The following CSAG1 variants were observed in gnomAD, a reference collection of about 807,000 sequenced individuals.
The protein encoded by CSAG1 is chondrosarcoma associated gene 1.
In CSAG1, 4 loss-of-function variants were observed where a neutral mutation model predicts 4.8. The observed-to-expected ratio is 0.83, with a 90% CI of 0.41 to 1.90. The LOEUF is 1.90. Among genes scored for constraint, CSAG1 ranks in the 40% most tolerant of loss-of-function variants. The pLI is 0.03. For synonymous variants in CSAG1, 21 were observed against 23.1 expected (o/e 0.91, Z 0.26); for missense variants, 69 against 59.5 (o/e 1.16, Z -0.53).
At chrX:152,730,842 A>G (rs150178384) in intron 2 of CSAG1, among the ~76,000 whole-genome samples, 3 of 112,486 alleles carry the variant, frequency 2.7e-5, no homozygotes, top group African/African-American at 9.7e-5. Context: ...ACAGAAACCT[A>G]GCTGTATTAT....
chrX:152,727,608 C>T lies in CSAG1; in HGVS notation c.*186G>A. 1.9e-6 allele frequency: 1 copy of T among 540,472 alleles called. No individual in the cohort carries two copies. The highest frequency in any genetic ancestry group is 3.2e-6 in the Non-Finnish European group (1 of 317,353). The allele number at this position is 540,472 out of a possible 1,213,427, so 44.5% of individuals were successfully genotyped here. A position where few individuals can be genotyped will look rare whatever the true frequency, so the allele number is the denominator to read the frequency against. On this transcript the variant is annotated 3_prime_UTR_variant, in exon 4 of 4. Coordinates refer to ENST00000452779, the MANE Select transcript of CSAG1 (RefSeq NM_001102576.3). The stretch of plus-strand genomic sequence containing the variant: ...GACTTCTGGAGACTTTTCAGATAGA[C>T]TTGAAGTCTCTGGCCTTGCCTGGGA...
intron 2 of CSAG1, among the ~76,000 whole-genome samples, chrX:152,731,442 T>A (rs1448813848): frequency 8.9e-6 from 1 of 112,236 alleles, no homozygotes; most frequent in African/African-American, 3.2e-5. Flanking sequence ...ACATTCCAGG[T>A]TAGGCAGTTT....
chrX:152,730,994 T>C (rs1192760161), intron 2 of CSAG1, among the ~76,000 whole-genome samples: 1 of 112,794 alleles, frequency 8.9e-6, no homozygotes, highest in East Asian at 2.8e-4. Flanking sequence ...AATCATTTAT[T>C]TAATTTTTTA....
At chrX:152,731,300 C>A (rs1269967322) in intron 2 of CSAG1, among the ~76,000 whole-genome samples, 1 of 112,007 alleles carries the variant, frequency 8.9e-6, no homozygotes, top group Non-Finnish European at 1.9e-5. Context: ...AAAGTGAAAT[C>A]CTAAATGAAA....
chrX:152,728,523 C>T (rs1474914454), intron 2 of CSAG1, among the ~76,000 whole-genome samples: 8 of 110,763 alleles, frequency 7.2e-5, no homozygotes, highest in Admixed American at 9.6e-5. Context: ...CAAAATGAAC[C>T]GCAATCTTAA....
At chrX:152,732,533 G>T (rs1202880171) in intron 1 of CSAG1, 29 bp from the exon 2 acceptor site, 20 of 1,203,658 alleles carry the variant, frequency 1.7e-5, no homozygotes, top group Non-Finnish European at 2.2e-5. Context: ...GAAACAGAAA[G>T]TAAAAAACCA....
chrX:152,730,884 G>C (rs1556228484), intron 2 of CSAG1, among the ~76,000 whole-genome samples: 1 of 112,150 alleles, frequency 8.9e-6, no homozygotes. Flanking sequence ...TGAAGCAAGT[G>C]GGGGGAAAGT....
chrX:152,733,372 A>C (rs1159024793), intron 1 of CSAG1: 1 of 112,090 alleles, frequency 8.9e-6, no homozygotes, highest in Non-Finnish European at 1.9e-5. Context: ...GGACCACAGA[A>C]TCCAGCTCAG....
intron 2 of CSAG1, 73 bp downstream of exon 2, chrX:152,732,372 T>C (rs1269904189): frequency 5.2e-6 from 6 of 1,144,626 alleles, no homozygotes; most frequent in Non-Finnish European, 7.0e-6. Flanking sequence ...GAGTATAACA[T>C]ATTCATTCAT....
rs781932586 is a variant in CSAG1 at position 152,729,082 on chromosome X, A to G, written c.17-858T>C. 3.2e-4 allele frequency among the ~76,000 whole-genome samples: 35 copies of G among 110,746 alleles called. 1 individual carries two copies. In the South Asian group the frequency reaches 0.012, roughly 39 times the overall value. ...AGAGCTCAGAAATAGACCTGCACAC[A>G]TATAGTCAGGTGATTCACAACAAAG... On this transcript the variant is annotated intron_variant, in intron 2 of 3. Coordinates refer to ENST00000452779, the MANE Select transcript of CSAG1 (RefSeq NM_001102576.3).
chrX:152,728,525 C>T (rs1932074948), intron 2 of CSAG1, among the ~76,000 whole-genome samples: 1 of 110,546 alleles, frequency 9.0e-6, no homozygotes, highest in Non-Finnish European at 1.9e-5. Flanking sequence ...AAATGAACCG[C>T]AATCTTAAAT....
At chrX:152,729,881 G>C (rs1695599615) in intron 2 of CSAG1, among the ~76,000 whole-genome samples, 1 of 108,770 alleles carries the variant, frequency 9.2e-6, no homozygotes, top group African/African-American at 3.3e-5. Flanking sequence ...TTACCCAATT[G>C]ATTTGAAAAC....
At chrX:152,728,511 C>T (rs1475835584) in intron 2 of CSAG1, among the ~76,000 whole-genome samples, 1 of 111,690 alleles carries the variant, frequency 9.0e-6, no homozygotes, top group Non-Finnish European at 1.9e-5. Context: ...AAAAATGTGA[C>T]TCAAAATGAA....
chrX:152,727,654 G>T lies in CSAG1; in HGVS notation c.*140C>A. 1 of 745,538 alleles carries T rather than the reference G, an allele frequency of 1.3e-6. No individual in the cohort carries two copies. The highest frequency in any genetic ancestry group is 2.1e-6 in the Non-Finnish European group (1 of 479,214). 61.4% of individuals were successfully genotyped at this position (745,538 alleles called of 1,213,427 possible). On this transcript the variant is annotated 3_prime_UTR_variant, in exon 4 of 4. Coordinates refer to ENST00000452779, the MANE Select transcript of CSAG1 (RefSeq NM_001102576.3). ...TGGGAATTACTGGCTGCCCAAGGAA[G>T]CACTGGAGAAGGCGGTGGTCTCCTT...
Position 152,727,644 on chromosome X carries a change from G to T in CSAG1, c.*150C>A. 1.4e-6 allele frequency: 1 copy of T among 691,985 alleles called. No individual in the cohort carries two copies. Among genetic ancestry groups the T allele is most frequent in the Non-Finnish European group, 2.3e-6 (1 of 435,563 alleles). 57.0% of individuals were successfully genotyped at this position (691,985 alleles called of 1,213,427 possible). A position where few individuals can be genotyped will look rare whatever the true frequency, so the allele number is the denominator to read the frequency against. On this transcript the variant is annotated 3_prime_UTR_variant, in exon 4 of 4. Coordinates refer to ENST00000452779, the MANE Select transcript of CSAG1 (RefSeq NM_001102576.3). The stretch of plus-strand genomic sequence containing the variant: ...TGGCCTTGCCTGGGAATTACTGGCT[G>T]CCCAAGGAAGCACTGGAGAAGGCGG...
chrX:152,727,912 G>A (rs2087713320), intron 3 of CSAG1, 49 bp from the exon 4 acceptor site: 3 of 1,196,335 alleles, frequency 2.5e-6, no homozygotes, highest in Non-Finnish European at 3.4e-6. Context: ...TTGGGGAAGA[G>A]GATGGAGGAG....
In CSAG1 at chrX:152,728,071, C is replaced by T. The variant is rs1556830725; in HGVS notation, c.167+3G>A. The T allele has an allele frequency of 8.3e-6, 10 of 1,208,833 alleles. No homozygotes were observed. The South Asian group carries it at 1.2e-4, about 15-fold the overall frequency. The stretch of plus-strand genomic sequence containing the variant: ...GATGAGAGGATGCTTTCCCCTTCCT[C>T]GCCTCTTTGGTGTTGATGGGTGGTT... On this transcript the variant is annotated splice_donor_region_variant and intron_variant, in intron 3 of 3. Coordinates refer to ENST00000452779, the MANE Select transcript of CSAG1 (RefSeq NM_001102576.3).
chrX:152,732,616 A>C, intron 1 of CSAG1, 112 bp from the exon 2 acceptor site: 1 of 944,446 alleles, frequency 1.1e-6, no homozygotes, highest in Non-Finnish European at 1.5e-6. Flanking sequence ...TTGAGCTGGT[A>C]CTTGTGTGTG....
chrX:152,728,065 C>T lies in CSAG1; in HGVS notation c.167+9G>A. 2 of 1,211,087 alleles carry T rather than the reference C, an allele frequency of 1.7e-6. No individual in the cohort carries two copies. The highest frequency in any genetic ancestry group is 1.7e-5 in the African/African-American group (1 of 57,537). On this transcript the variant is annotated intron_variant, in intron 3 of 3. Transcript: ENST00000452779. ...GCCAGGGATGAGAGGATGCTTTCCCCTTCCTCGCCTCTTTGGTGTTGATGG... is the reference window on the plus strand; with the variant it reads ...GCCAGGGATGAGAGGATGCTTTCCCTTTCCTCGCCTCTTTGGTGTTGATGG...
Sources: allele counts gnomAD v4.1 joint callset (sites outside exome capture counted in the v4.1 genomes callset), GRCh38; gene constraint gnomAD v4.1.1; transcripts MANE v1.5; gene names NCBI Gene and HGNC (gene_info 2026-07-23, HGNC 2026-07-21).